MAST2: variants seen among roughly 807,000 people sequenced by gnomAD.
The protein encoded by MAST2 is microtubule associated serine/threonine kinase 2.
MAST2 carries 70 observed loss-of-function variants against 147.4 expected under a neutral mutation model. The ratio of observed to expected loss-of-function variants is 0.47; its 90% confidence interval spans 0.39 to 0.58. The LOEUF (loss-of-function observed/expected upper bound fraction) is 0.58, where lower values mean the gene tolerates loss of function less well. Ranked by LOEUF, MAST2 falls within the 20% of genes least tolerant of loss-of-function variation. The probability of loss-of-function intolerance (pLI) is 0.00; values close to 1 mark genes in which losing one functional copy is unlikely to be tolerated. For missense variants in MAST2, 2,080 were observed against 2,302.3 expected (o/e 0.90, Z 1.98); for synonymous variants, 869 against 896.8 (o/e 0.97, Z 0.55).
intron 3 of MAST2, among the ~76,000 whole-genome samples, chr1:45,837,140 A>G (rs1426194149): frequency 6.6e-6 from 1 of 152,128 alleles, no homozygotes; most frequent in Admixed American, 6.6e-5. Context: ...CAGGCCATGG[A>G]CCTGGTATAG....
chr1:45,890,974 A>C (rs549781586), intron 4 of MAST2, among the ~76,000 whole-genome samples: 103 of 152,356 alleles, frequency 6.8e-4, no homozygotes, highest in Non-Finnish European at 1.2e-3. Flanking sequence ...GATTTTTAAA[A>C]AATAAGCACA....
intron 9 of MAST2, 35 bp from the exon 10 acceptor site, chr1:46,010,693 TAG>T: frequency 6.3e-7 from 1 of 1,591,758 alleles, no homozygotes; most frequent in East Asian, 2.2e-5. Context: ...GAGCTGGAAC[TAG>T]AAGGGAAGTG....
intron 1 of MAST2, among the ~76,000 whole-genome samples, chr1:45,821,761 C>T (rs1644638565): frequency 6.6e-6 from 1 of 151,722 alleles, no homozygotes; most frequent in African/African-American, 2.4e-5. Flanking sequence ...TCATGATCTG[C>T]CCGCCTTGGC....
chr1:45,936,051 G>T (rs1656142032), intron 4 of MAST2, among the ~76,000 whole-genome samples: 1 of 152,092 alleles, frequency 6.6e-6, no homozygotes. Flanking sequence ...CCATTTGTTT[G>T]TGTCATTTCT....
chr1:45,895,497 A>T (rs543494775), intron 4 of MAST2, among the ~76,000 whole-genome samples: 1 of 152,200 alleles, frequency 6.6e-6, no homozygotes, highest in Non-Finnish European at 1.5e-5. Context: ...TTCTTTGTTC[A>T]TCTGGGAGCC....
Position 46,035,785 on chromosome 1 carries a change from C to T in MAST2, c.5116C>T (p.Gln1706Ter), listed in dbSNP as rs1646881014. The T allele has an allele frequency of 6.2e-7, 1 of 1,614,126 alleles. No individual in the cohort carries two copies. The change falls in exon 29 of 29, where the codon CAG (glutamine) becomes TAG (stop). Residue 1706 changes from glutamine (Q) to a stop codon, truncating the protein, a stop_gained. Coordinates refer to ENST00000361297, the MANE Select transcript of MAST2 (RefSeq NM_015112.3). LOFTEE classifies it low-confidence loss of function (END_TRUNC). This position sits in a 1 kb window ranked among gnomAD's most constrained non-coding sequence, Gnocchi z 5.5. Reference sequence around the variant, plus strand: ...GTCTCCCAGGGAGCAGGGGAAGACACAGCCACCTAGTGCCCCCAGACTGGC... The same window carrying T: ...GTCTCCCAGGGAGCAGGGGAAGACATAGCCACCTAGTGCCCCCAGACTGGC... ...NLSPREQGKT[Q>*]PPSAPRLAHP...
At chr1:45,884,059 GGAGA>G (rs1297611288) in intron 4 of MAST2, among the ~76,000 whole-genome samples, 1 of 46,916 alleles carries the variant, frequency 2.1e-5, no homozygotes, top group African/African-American at 7.2e-5. Flanking sequence ...CTGGGAAGAA[GGAGA>G]AGGAGGAGTA....
intron 1 of MAST2, among the ~76,000 whole-genome samples, chr1:45,821,794 G>A (rs1402722980): frequency 6.6e-6 from 1 of 151,524 alleles, no homozygotes; most frequent in Non-Finnish European, 1.5e-5. Flanking sequence ...TGGGATTACA[G>A]GCGTGAGCCA....
At chr1:45,830,029 G>A (rs767897509) in intron 3 of MAST2, among the ~76,000 whole-genome samples, 12 of 151,500 alleles carry the variant, frequency 7.9e-5, no homozygotes, top group African/African-American at 2.7e-4. Flanking sequence ...TAATTTTTTT[G>A]TATTACTAGT....
intron 4 of MAST2, among the ~76,000 whole-genome samples, chr1:45,938,126 A>G (rs953460836): frequency 1.2e-4 from 18 of 152,058 alleles, no homozygotes; most frequent in African/African-American, 3.6e-4. Context: ...ATTCCTTTCT[A>G]TTGTTGAATA....
At chr1:45,920,283 G>C (rs1384312027) in intron 4 of MAST2, among the ~76,000 whole-genome samples, 1 of 152,158 alleles carries the variant, frequency 6.6e-6, no homozygotes, top group Non-Finnish European at 1.5e-5. Flanking sequence ...GTTCCCCTCT[G>C]TATATCTGTC....
At chr1:45,959,543 A>T (rs1660109750) in intron 5 of MAST2, 66 bp downstream of exon 5, 6 of 1,333,340 alleles carry the variant, frequency 4.5e-6, no homozygotes, top group Admixed American at 1.9e-5. Context: ...TTTCTTTCCT[A>T]CTTCTCATGT....
At chr1:45,943,860 C>T (rs1245782653) in intron 4 of MAST2, among the ~76,000 whole-genome samples, 6 of 152,312 alleles carry the variant, frequency 3.9e-5, no homozygotes, top group Admixed American at 3.9e-4. Context: ...TACTGATAGC[C>T]TGTCACAGCT....
intron 4 of MAST2, among the ~76,000 whole-genome samples, chr1:45,929,302 C>T (rs1035763998): frequency 6.6e-6 from 1 of 152,166 alleles, no homozygotes; most frequent in African/African-American, 2.4e-5. Context: ...AGCCTAAAGC[C>T]TGAGTGTCCT....
chr1:45,997,097 C>T (rs909413987), intron 5 of MAST2, among the ~76,000 whole-genome samples: 6 of 152,170 alleles, frequency 3.9e-5, no homozygotes, highest in Non-Finnish European at 8.8e-5. Flanking sequence ...GGTAAACTTA[C>T]AGTTTTGTTC....
chr1:46,034,692 CCCACTGTCA>C lies in MAST2; in HGVS notation c.4030_4038del (p.Ser1344_Leu1346del), dbSNP rs1557524889. On this transcript the variant is annotated inframe_deletion, in exon 29 of 29. Transcript: ENST00000361297. Reference sequence around the variant, plus strand: ...CACGGCGCAAGTCAGCAGGCAGCATCCCACTGTCACCACTGGCCCACACCCCTTCTCCCC... The same window carrying C: ...CACGGCGCAAGTCAGCAGGCAGCATCCCACTGGCCCACACCCCTTCTCCCC... 1 of 1,614,182 alleles carries C rather than the reference CCCACTGTCA, an allele frequency of 6.2e-7. No individual in the cohort carries two copies. Among genetic ancestry groups the C allele is most frequent in the South Asian group, 1.1e-5 (1 of 91,084 alleles).
intron 3 of MAST2, among the ~76,000 whole-genome samples, chr1:45,832,250 C>A (rs1208972281): frequency 3.3e-5 from 5 of 151,926 alleles, no homozygotes; most frequent in African/African-American, 1.2e-4. Flanking sequence ...AGATTTTGAT[C>A]CAGATGTCTG....
chr1:46,027,961 GC>G, intron 17 of MAST2, 98 bp downstream of exon 17: 1 of 1,483,914 alleles, frequency 6.7e-7, no homozygotes, highest in Non-Finnish European at 9.2e-7. Context: ...GGAGGCTGAG[GC>G]AGGAGGATCG....
chr1:45,991,887 G>A (rs978754160), intron 5 of MAST2, among the ~76,000 whole-genome samples: 2 of 151,608 alleles, frequency 1.3e-5, no homozygotes, highest in African/African-American at 4.9e-5. Flanking sequence ...GTTTTGTTTT[G>A]CTTTTTAATT....
Sources: allele counts gnomAD v4.1 joint callset (sites outside exome capture counted in the v4.1 genomes callset), GRCh38; gene constraint gnomAD v4.1.1; non-coding constraint Gnocchi (gnomAD v3.1); transcripts MANE v1.5; gene names NCBI Gene and HGNC (gene_info 2026-07-23, HGNC 2026-07-21).